SHC4: variants seen among roughly 807,000 people sequenced by gnomAD.
The protein encoded by SHC4 is SHC-transforming protein 4.
A neutral mutation model predicts 69.4 loss-of-function variants in SHC4; 41 were observed. That is an observed-to-expected ratio of 0.59 (90% CI 0.46 to 0.77). SHC4 has a LOEUF of 0.77. SHC4 is among the 30% of genes least tolerant of loss of function. The probability of loss-of-function intolerance (pLI) is 0.00; values close to 1 mark genes in which losing one functional copy is unlikely to be tolerated. For synonymous variants in SHC4, 318 were observed against 299.3 expected (o/e 1.06, Z -0.64); for missense variants, 777 against 783.8 (o/e 0.99, Z 0.10).
chr15:48,944,313 A>G (rs1901234488), intron 1 of SHC4, among the ~76,000 whole-genome samples: 1 of 151,900 alleles, frequency 6.6e-6, no homozygotes, highest in African/African-American at 2.4e-5. Flanking sequence ...ACAGATCCCC[A>G]AACTGCCATT....
At chr15:48,932,702 C>T (rs945153041) in intron 1 of SHC4, among the ~76,000 whole-genome samples, 2 of 152,180 alleles carry the variant, frequency 1.3e-5, no homozygotes, top group Admixed American at 6.6e-5. Flanking sequence ...CTCCCCATCC[C>T]TACCTGCAGC....
At chr15:48,942,940 T>C (rs1219628122) in intron 1 of SHC4, among the ~76,000 whole-genome samples, 3 of 152,228 alleles carry the variant, frequency 2.0e-5, no homozygotes, top group Non-Finnish European at 4.4e-5. Context: ...CCATGCTGGC[T>C]CTAAGCCAGC....
At chr15:48,858,466 T>C (rs542728354) in intron 6 of SHC4, among the ~76,000 whole-genome samples, 2 of 152,256 alleles carry the variant, frequency 1.3e-5, no homozygotes, top group Non-Finnish European at 2.9e-5. Flanking sequence ...ATATGAGAGT[T>C]TATATTAGAT....
chr15:48,841,167 T>C (rs1898982108), intron 10 of SHC4, among the ~76,000 whole-genome samples: 3 of 152,240 alleles, frequency 2.0e-5, no homozygotes. Context: ...GATCACCTAA[T>C]TTGGGCCACC....
intron 4 of SHC4, among the ~76,000 whole-genome samples, chr15:48,875,181 T>C (rs564104548): frequency 1.5e-5 from 2 of 132,206 alleles, no homozygotes; most frequent in Admixed American, 7.8e-5. Context: ...TTGCATAACA[T>C]GTAGCAAGTG....
At chr15:48,871,186 G>A (rs1194676540) in intron 5 of SHC4, among the ~76,000 whole-genome samples, 3 of 152,200 alleles carry the variant, frequency 2.0e-5, no homozygotes, top group Non-Finnish European at 4.4e-5. Context: ...ATGCTTTGCA[G>A]AAAAGAAGGT....
intron 4 of SHC4, chr15:48,876,645 A>G (rs541713857): frequency 8.8e-6 from 6 of 680,706 alleles, no homozygotes; most frequent in African/African-American, 5.3e-5. Context: ...CCAATGTTCG[A>G]GGGCAGGAAG....
At chr15:48,867,362 C>T (rs1421786911) in intron 6 of SHC4, among the ~76,000 whole-genome samples, 6 of 152,074 alleles carry the variant, frequency 3.9e-5, no homozygotes, top group African/African-American at 1.4e-4. Context: ...AAGCTGAAAT[C>T]CATATGATGA....
At chr15:48,857,646 A>G (rs970683905) in intron 7 of SHC4, 46 bp downstream of exon 7, 12 of 1,455,848 alleles carry the variant, frequency 8.2e-6, no homozygotes, top group Non-Finnish European at 1.1e-5. Flanking sequence ...AGATAAATGC[A>G]CACATATATA....
At chr15:48,951,282 C>T (rs531616192) in intron 1 of SHC4, among the ~76,000 whole-genome samples, 1 of 152,016 alleles carries the variant, frequency 6.6e-6, no homozygotes, top group African/African-American at 2.4e-5. Flanking sequence ...TGACCCATTT[C>T]CAAAGGGGTG....
chr15:48,835,079 A>G (rs1898876302), intron 10 of SHC4, 57 bp from the exon 11 acceptor site: 2 of 1,527,328 alleles, frequency 1.3e-6, no homozygotes, highest in South Asian at 2.6e-5. Flanking sequence ...CCATCCATTC[A>G]TTCATTTATT....
intron 11 of SHC4, among the ~76,000 whole-genome samples, chr15:48,826,715 T>G (rs1416042639): frequency 6.6e-6 from 1 of 152,212 alleles, no homozygotes; most frequent in African/African-American, 2.4e-5. Context: ...CTGGTTTGTA[T>G]ACAAGCATGA....
chr15:48,877,638 T>TAA (rs74381270), intron 4 of SHC4: 252 of 670,720 alleles, frequency 3.8e-4, no homozygotes, highest in South Asian at 8.0e-4. Context: ...TCACTATAAC[T>TAA]AAAAAAAAAA....
At chr15:48,854,881 T>C (rs1899282371) in intron 8 of SHC4, among the ~76,000 whole-genome samples, 1 of 152,206 alleles carries the variant, frequency 6.6e-6, no homozygotes, top group Non-Finnish European at 1.5e-5. Context: ...ACTACCTGGC[T>C]GATGGGATCA....
At chr15:48,826,191 A>G (rs1898684835) in intron 11 of SHC4, 65 bp from the exon 12 acceptor site, 2 of 1,458,618 alleles carry the variant, frequency 1.4e-6, no homozygotes, top group East Asian at 2.3e-5. Context: ...GATATAAATA[A>G]TAAGGGGGAA....
intron 9 of SHC4, among the ~76,000 whole-genome samples, chr15:48,846,962 C>T (rs1899104891): frequency 6.6e-6 from 1 of 151,170 alleles, no homozygotes; most frequent in Admixed American, 6.6e-5. Flanking sequence ...TGAAAACTGC[C>T]ACCTTTAAGC....
rs1344524674 is a variant in SHC4 at position 48,908,497 on chromosome 15, G to A, written c.656+16382C>T. 2.0e-5 allele frequency among the ~76,000 whole-genome samples: 3 copies of A among 152,270 alleles called. No homozygotes were observed. The East Asian group carries it at 5.8e-4, about 29-fold the overall frequency. On this transcript the variant is annotated intron_variant, in intron 2 of 11. Transcript: ENST00000332408. ...TGTGAAGATTTTCTCCTACTCTGTG[G>A]GTTGTCTGTTTACTCTGCTGACTGT...
intron 6 of SHC4, among the ~76,000 whole-genome samples, chr15:48,862,245 A>G (rs771345803): frequency 6.6e-6 from 1 of 151,260 alleles, no homozygotes; most frequent in Non-Finnish European, 1.5e-5. Flanking sequence ...TGGCCTTCCT[A>G]TATCCAGGTA....
chr15:48,870,274 T>C (rs1567057467), intron 5 of SHC4, among the ~76,000 whole-genome samples: 1 of 152,206 alleles, frequency 6.6e-6, no homozygotes, highest in African/African-American at 2.4e-5. Flanking sequence ...GGTGTTGCTA[T>C]TGAGGCCAGA....
Sources: gnomAD v4.1 joint callset for allele counts (sites outside exome capture counted in the v4.1 genomes callset) on GRCh38, gnomAD v4.1.1 for gene constraint, MANE v1.5 for transcripts, NCBI Gene and HGNC (gene_info 2026-07-23, HGNC 2026-07-21) for gene names.